The following VPS35L variants were observed in gnomAD, a reference collection of about 807,000 sequenced individuals.
VPS35L encodes VPS35 endosomal protein sorting factor like.
In VPS35L, 83 loss-of-function variants were observed where a neutral mutation model predicts 133.0. The observed-to-expected ratio is 0.62, with a 90% CI of 0.52 to 0.75. VPS35L has a LOEUF of 0.75. VPS35L is among the 30% of genes least tolerant of loss of function. The pLI is 0.00. For synonymous variants in VPS35L, 423 were observed against 449.9 expected (o/e 0.94, Z 0.76); for missense variants, 1,083 against 1,206.8 (o/e 0.90, Z 1.52).
intron 18 of VPS35L, among the ~76,000 whole-genome samples, chr16:19,630,049 A>G (rs1285900042): frequency 6.6e-6 from 1 of 152,216 alleles, no homozygotes; most frequent in Non-Finnish European, 1.5e-5. Flanking sequence ...GCATTACACA[A>G]AGTTAAACCA....
chr16:19,648,844 T>C (rs940237548), intron 24 of VPS35L, among the ~76,000 whole-genome samples: 4 of 128,086 alleles, frequency 3.1e-5, no homozygotes, highest in Non-Finnish European at 6.2e-5. Context: ...CTCTACACTC[T>C]AGCCTAGGCA....
intron 26 of VPS35L, 111 bp from the exon 27 acceptor site, chr16:19,669,049 T>C: frequency 8.8e-7 from 1 of 1,130,682 alleles, no homozygotes; most frequent in Non-Finnish European, 1.2e-6. Context: ...GCCCTCGGCA[T>C]GGCCTGGCTT....
chr16:19,699,969 C>G lies in VPS35L; in HGVS notation c.2793+321C>G, dbSNP rs1269723737. Among the ~76,000 whole-genome samples the G allele has an allele frequency of 1.3e-5, 2 of 152,086 alleles. No individual in the cohort carries two copies. The highest frequency in any genetic ancestry group is 2.9e-5 in the Non-Finnish European group (2 of 68,028). ...AAAATTAGCCGGCCATGGTGGTGCA[C>G]ATGTGTAGTCCCAGCTACTCGGGAG... On this transcript the variant is annotated intron_variant, in intron 30 of 30. Transcript: ENST00000417362. This position sits in a 1 kb window ranked among gnomAD's most constrained non-coding sequence, Gnocchi z 4.2.
chr16:19,610,211 A>AT lies in VPS35L; in HGVS notation c.930-106dup, dbSNP rs779741301. On this transcript the variant is annotated intron_variant, in intron 11 of 30. Coordinates refer to ENST00000417362, the MANE Select transcript of VPS35L (RefSeq NM_020314.7). ...GACCTTGGTTTGTTACTGAAACTTG[A>AT]TTTTTCCCCCCCTCCCTGAAATTTA... The AT allele has an allele frequency of 7.3e-5, 66 of 909,262 alleles. 1 individual carries two copies. The Middle Eastern group carries it at 2.5e-3, about 34-fold the overall frequency. 56.3% of individuals were successfully genotyped at this position (909,262 alleles called of 1,614,324 possible). A position where few individuals can be genotyped will look rare whatever the true frequency, so the allele number is the denominator to read the frequency against.
chr16:19,651,353 C>A lies in VPS35L; in HGVS notation c.2107-623C>A, dbSNP rs79028084. Among the ~76,000 whole-genome samples, 979 of 152,120 alleles carry A rather than the reference C, an allele frequency of 6.4e-3. 11 individuals carry two copies. Among genetic ancestry groups the A allele is most frequent in the African/African-American group, 0.022 (920 of 41,504 alleles). On this transcript the variant is annotated intron_variant, in intron 25 of 30. Transcript: ENST00000417362. Reference sequence around the variant, plus strand: ...GTGGCACCATCATAGCTCACTGTAACCACCATATCCGGGTAATTTTTTTGT... The same window carrying A: ...GTGGCACCATCATAGCTCACTGTAAACACCATATCCGGGTAATTTTTTTGT...
At chr16:19,605,871 G>A (rs138369342) in intron 9 of VPS35L, among the ~76,000 whole-genome samples, 58 of 139,424 alleles carry the variant, frequency 4.2e-4, no homozygotes, top group Admixed American at 1.5e-3. Context: ...CCACTGGAAT[G>A]TAAGTTTCAT....
intron 7 of VPS35L, among the ~76,000 whole-genome samples, chr16:19,586,989 G>T (rs546257836): frequency 1.3e-5 from 2 of 152,156 alleles, no homozygotes; most frequent in Non-Finnish European, 2.9e-5. Flanking sequence ...TCACAGTTCT[G>T]CAGGCTGTAT....
chr16:19,674,700 G>A (rs1026322296), intron 27 of VPS35L, among the ~76,000 whole-genome samples: 1 of 151,982 alleles, frequency 6.6e-6, no homozygotes, highest in Non-Finnish European at 1.5e-5. Context: ...ACTGTCCATT[G>A]GTTAGTAATT....
chr16:19,652,131 C>A, intron 26 of VPS35L, 41 bp downstream of exon 26: 1 of 1,363,552 alleles, frequency 7.3e-7, no homozygotes, highest in Non-Finnish European at 1.0e-6. Flanking sequence ...TCCCTTGCTG[C>A]TTAGGAAAAC....
chr16:19,602,329 G>C (rs1285210685), intron 9 of VPS35L, among the ~76,000 whole-genome samples: 1 of 152,046 alleles, frequency 6.6e-6, no homozygotes, highest in East Asian at 1.9e-4. Flanking sequence ...TCCGAGCACT[G>C]CTATGAGGAA....
At chr16:19,565,500 G>A (rs1483431480) in intron 2 of VPS35L, among the ~76,000 whole-genome samples, 4 of 151,958 alleles carry the variant, frequency 2.6e-5, no homozygotes, top group African/African-American at 7.3e-5. Flanking sequence ...GCACCATCAC[G>A]CTTGGCTAAT....
chr16:19,563,044 C>T (rs1236707575), intron 1 of VPS35L, among the ~76,000 whole-genome samples: 3 of 152,140 alleles, frequency 2.0e-5, no homozygotes, highest in African/African-American at 7.2e-5. Flanking sequence ...GGATTACAGG[C>T]GTGAGCCACC....
chr16:19,655,454 G>A (rs1297552458), intron 26 of VPS35L, among the ~76,000 whole-genome samples: 1 of 152,178 alleles, frequency 6.6e-6, no homozygotes, highest in Non-Finnish European at 1.5e-5. Context: ...TCCCCTTGCA[G>A]CTGGTTATAA....
chr16:19,561,958 T>C (rs1778095022), intron 1 of VPS35L, among the ~76,000 whole-genome samples: 1 of 151,814 alleles, frequency 6.6e-6, no homozygotes, highest in Non-Finnish European at 1.5e-5. Context: ...AATACAAAAA[T>C]TAGCCGGGCG....
At chr16:19,630,907 G>T (rs1973435948) in intron 18 of VPS35L, among the ~76,000 whole-genome samples, 1 of 152,134 alleles carries the variant, frequency 6.6e-6, no homozygotes, top group Non-Finnish European at 1.5e-5. Context: ...TACCCAGGAG[G>T]TTGAGGGAGG....
chr16:19,570,889 A>ATATATATATAT (rs1971360458), intron 3 of VPS35L, among the ~76,000 whole-genome samples: 1 of 91,852 alleles, frequency 1.1e-5, no homozygotes, highest in Non-Finnish European at 2.1e-5. Context: ...ATATATATAT[A>ATATATATATAT]TTTTTGAGAT....
At chr16:19,562,899 C>T (rs1192750330) in intron 1 of VPS35L, among the ~76,000 whole-genome samples, 3 of 151,888 alleles carry the variant, frequency 2.0e-5, no homozygotes, top group East Asian at 3.9e-4. Context: ...GGACTACAGG[C>T]ACACACCACC....
intron 16 of VPS35L, among the ~76,000 whole-genome samples, 179 bp from the exon 17 acceptor site, chr16:19,628,458 G>A (rs570341480): frequency 6.6e-6 from 1 of 152,228 alleles, no homozygotes; most frequent in Admixed American, 6.5e-5. Flanking sequence ...AGCTAACTCT[G>A]TGTGAGCCTC....
At chr16:19,578,439 C>G (rs930947815) in intron 5 of VPS35L, 1 of 397,946 alleles carries the variant, frequency 2.5e-6, no homozygotes, top group Non-Finnish European at 4.9e-6. Flanking sequence ...AATAGACGGC[C>G]GCAGAGGGCA....
Sources: allele counts gnomAD v4.1 joint callset (sites outside exome capture counted in the v4.1 genomes callset), GRCh38; gene constraint gnomAD v4.1.1; non-coding constraint Gnocchi (gnomAD v3.1); transcripts MANE v1.5; gene names NCBI Gene and HGNC (gene_info 2026-07-23, HGNC 2026-07-21).